KIF1B: variants seen among roughly 807,000 people sequenced by gnomAD.
KIF1B encodes the protein kinesin-like protein KIF1B.
In KIF1B, 76 loss-of-function variants were observed where a neutral mutation model predicts 241.9. The ratio of observed to expected loss-of-function variants is 0.31; its 90% CI spans 0.26 to 0.38. The LOEUF (loss-of-function observed/expected upper bound fraction) is 0.38. Among genes scored for constraint, KIF1B ranks in the 10% least tolerant of loss-of-function variants. The pLI, the probability that KIF1B is intolerant of heterozygous loss-of-function variation, is 1.00. For missense variants in KIF1B, 1,622 were observed against 2,271.4 expected (o/e 0.71, Z 5.81); for synonymous variants, 750 against 796.7 (o/e 0.94, Z 0.99).
intron 2 of KIF1B, among the ~76,000 whole-genome samples, chr1:10,237,217 A>G (rs1647068842): frequency 6.6e-6 from 1 of 152,218 alleles, no homozygotes; most frequent in South Asian, 2.1e-4. Context: ...GCTCTGTTCA[A>G]TAATATCCCA....
At chr1:10,361,664 C>T (rs780344575) in intron 39 of KIF1B, 28 bp from the exon 40 acceptor site, 17 of 1,612,946 alleles carry the variant, frequency 1.1e-5, no homozygotes, top group Middle Eastern at 1.7e-4. Context: ...GCCTGCACTT[C>T]ATCAGCACCT....
At chr1:10,364,782 G>A (rs1638519493) in intron 41 of KIF1B, among the ~76,000 whole-genome samples, 2 of 151,900 alleles carry the variant, frequency 1.3e-5, no homozygotes, top group African/African-American at 4.8e-5. Flanking sequence ...TGAGGCAGGT[G>A]GATCACGAGG....
intron 22 of KIF1B, chr1:10,305,425 A>G: frequency 9.5e-7 from 1 of 1,047,658 alleles, no homozygotes; most frequent in East Asian, 5.3e-5. Flanking sequence ...ATGCACACAA[A>G]GTGAACTATT....
At chr1:10,304,703 A>G (rs1650739167) in intron 22 of KIF1B, 1 of 1,598,326 alleles carries the variant, frequency 6.3e-7, no homozygotes, top group African/African-American at 1.3e-5. Flanking sequence ...GTGTTAGCTC[A>G]TGATTTGATT....
chr1:10,367,714 GT>G lies in KIF1B; in HGVS notation c.4753-745del, dbSNP rs1006657272. Reference sequence around the variant, plus strand: ...CATGCCCAGCTCATTTTTTGTAGGTGTTTTTTTTGTTTGTTTGTTTGTTTTT... The same window carrying G: ...CATGCCCAGCTCATTTTTTGTAGGTGTTTTTTTGTTTGTTTGTTTGTTTTT... On this transcript the variant is annotated intron_variant, in intron 43 of 48. Transcript: ENST00000676179. Among the ~76,000 whole-genome samples the G allele has an allele frequency of 4.0e-5, 6 of 149,066 alleles. No homozygotes were observed. The South Asian group carries it at 1.3e-3, about 32-fold the overall frequency.
Position 10,292,089 on chromosome 1 carries a change from T to C in KIF1B, c.1557T>C (p.Asp519=), listed in dbSNP as rs146364486. Residue 519 remains aspartate, a synonymous_variant, in exon 17 of 49, where the codon GAT becomes GAC. Coordinates refer to ENST00000676179, the MANE Select transcript of KIF1B (RefSeq NM_001365951.3). The part of the protein sequence containing the change: ...LAEMGVAIRE[D]GGTLGVFSPK... Reference sequence around the variant, plus strand: ...AGATGGGAGTTGCCATTCGGGAAGATGGAGGAACCCTAGGGGTTTTCTCAC... The same window carrying C: ...AGATGGGAGTTGCCATTCGGGAAGACGGAGGAACCCTAGGGGTTTTCTCAC... 7.6e-5 allele frequency: 122 copies of C among 1,613,952 alleles called. No homozygotes were observed. Among genetic ancestry groups the C allele is most frequent in the Non-Finnish European group, 1.0e-4 (121 of 1,179,994 alleles).
intron 15 of KIF1B, among the ~76,000 whole-genome samples, chr1:10,289,038 A>G (rs560265867): frequency 3.3e-5 from 5 of 152,358 alleles, no homozygotes; most frequent in East Asian, 1.9e-4. Context: ...TTGATGAACT[A>G]TAACACTTTT....
chr1:10,310,445 C>T (rs1441698513), intron 22 of KIF1B, among the ~76,000 whole-genome samples: 1 of 151,394 alleles, frequency 6.6e-6, no homozygotes, highest in Non-Finnish European at 1.5e-5. Context: ...ACCATGTGGT[C>T]TTTTTTGTGA....
At chr1:10,302,377 C>T (rs911611110) in intron 22 of KIF1B, among the ~76,000 whole-genome samples, 2 of 152,130 alleles carry the variant, frequency 1.3e-5, no homozygotes, top group South Asian at 2.1e-4. Context: ...ATACATTTAA[C>T]ATGACAAAAA....
Position 10,334,652 on chromosome 1 carries a change from T to G in KIF1B, c.3043+14T>G. The G allele has an allele frequency of 6.3e-7, 1 of 1,588,978 alleles. No homozygotes were observed. The highest frequency in any genetic ancestry group is 8.6e-7 in the Non-Finnish European group (1 of 1,157,332). On this transcript the variant is annotated intron_variant, in intron 28 of 48. Coordinates refer to ENST00000676179, the MANE Select transcript of KIF1B (RefSeq NM_001365951.3). ...AGGCCATCGCAGGTAGGTGACCCTCTTCTGAAATGAGAGCTGTGAGTTCTT... is the reference window on the plus strand; with the variant it reads ...AGGCCATCGCAGGTAGGTGACCCTCGTCTGAAATGAGAGCTGTGAGTTCTT...
intron 38 of KIF1B, among the ~76,000 whole-genome samples, chr1:10,356,898 CTAAATAAA>C (rs61266375): frequency 0.019 from 2,830 of 149,274 alleles, 39 homozygotes; most frequent in Non-Finnish European, 0.028. Flanking sequence ...GACTCCGTCT[CTAAATAAA>C]TAAATAAATA....
chr1:10,215,531 C>T (rs1174240961), intron 1 of KIF1B, among the ~76,000 whole-genome samples: 1 of 151,126 alleles, frequency 6.6e-6, no homozygotes. Flanking sequence ...TTCAACCATA[C>T]TACCCTCTAC....
chr1:10,313,955 C>T (rs1014919777), intron 22 of KIF1B, among the ~76,000 whole-genome samples: 16 of 151,110 alleles, frequency 1.1e-4, no homozygotes, highest in African/African-American at 2.2e-4. Flanking sequence ...AGTGCAGTGG[C>T]GAGATCTTGG....
Position 10,352,722 on chromosome 1 carries a change from C to T in KIF1B, c.4041C>T (p.Ser1347=), listed in dbSNP as rs754759498. 3.7e-6 allele frequency: 6 copies of T among 1,613,394 alleles called. No individual in the cohort carries two copies. The highest frequency in any genetic ancestry group is 4.2e-6 in the Non-Finnish European group (5 of 1,179,444). Residue 1347 remains serine, a synonymous_variant, in exon 38 of 49, where the codon TCC becomes TCT. Coordinates refer to ENST00000676179, the MANE Select transcript of KIF1B (RefSeq NM_001365951.3). ...TTTCTGCCAAGTACCTGAAGTCTTC[C>T]CACAACTCTAGCAGGTGGGACACCC... is the stretch of plus-strand genomic sequence containing the variant. ...NIISAKYLKS[S]HNSSRTFYRF... is the part of the protein sequence containing the mutation.
At chr1:10,218,186 G>A (rs1646794026) in intron 1 of KIF1B, among the ~76,000 whole-genome samples, 1 of 152,080 alleles carries the variant, frequency 6.6e-6, no homozygotes, top group African/African-American at 2.4e-5. Flanking sequence ...TGGCTTCAGT[G>A]TCCCCTCCTG....
In KIF1B at chr1:10,303,581, G is replaced by A. The variant is rs776522168; in HGVS notation, c.2115+6335G>A. On this transcript the variant is annotated intron_variant, in intron 22 of 48. Transcript: ENST00000676179. The surrounding 1 kb of genome is among the most constrained non-coding windows in gnomAD (Gnocchi z 5.2). ...GACGTCTGGGATACCGTCGGTGTTGGGGATGAGAAGATCGAAGACGTCATG... is the reference window on the plus strand; with the variant it reads ...GACGTCTGGGATACCGTCGGTGTTGAGGATGAGAAGATCGAAGACGTCATG... The A allele has an allele frequency of 6.2e-7, 1 of 1,614,192 alleles. No homozygotes were observed. The highest frequency in any genetic ancestry group is 1.1e-5 in the South Asian group (1 of 91,078).
chr1:10,293,020 T>A (rs1298324533), intron 17 of KIF1B, among the ~76,000 whole-genome samples: 1 of 152,140 alleles, frequency 6.6e-6, no homozygotes, highest in Non-Finnish European at 1.5e-5. Flanking sequence ...TTTTATGTGA[T>A]ATGAAATATT....
At chr1:10,216,197 T>G (rs1235588354) in intron 1 of KIF1B, among the ~76,000 whole-genome samples, 1 of 152,180 alleles carries the variant, frequency 6.6e-6, no homozygotes, top group East Asian at 1.9e-4. Context: ...ACTGTGAAAT[T>G]TCTTGAATTG....
intron 14 of KIF1B, among the ~76,000 whole-genome samples, chr1:10,279,764 G>T (rs12122029): frequency 5.0e-5 from 7 of 139,980 alleles, no homozygotes; most frequent in Admixed American, 7.7e-5. Context: ...TGACATGATC[G>T]TGGCCCACTG....
Sources: gnomAD v4.1 joint callset for allele counts (sites outside exome capture counted in the v4.1 genomes callset) on GRCh38, gnomAD v4.1.1 for gene constraint, Gnocchi (gnomAD v3.1) non-coding constraint, MANE v1.5 for transcripts, NCBI Gene and HGNC (gene_info 2026-07-23, HGNC 2026-07-21) for gene names.